Variants in PLEKHM3 observed in about 807,000 individuals in gnomAD.
PLEKHM3 encodes pleckstrin homology domain containing M3.
Under a neutral mutation model 81.8 loss-of-function variants are expected in PLEKHM3, and 45 were observed. The observed-to-expected ratio is 0.55, with a 90% CI of 0.43 to 0.71. The LOEUF is 0.71. PLEKHM3 is among the 30% of genes least tolerant of loss of function. The probability of loss-of-function intolerance (pLI) is 0.00; values close to 1 mark genes in which losing one functional copy is unlikely to be tolerated. For missense variants in PLEKHM3, 788 were observed against 924.3 expected, an observed-to-expected ratio of 0.85 and a Z score of 1.91; for synonymous variants, 352 against 356.4, an observed-to-expected ratio of 0.99 and a Z score of 0.14.
chr2:207,894,807 C>T (rs1002161970), intron 6 of PLEKHM3, among the ~76,000 whole-genome samples: 1 of 152,138 alleles, frequency 6.6e-6, no homozygotes, highest in Admixed American at 6.5e-5. Flanking sequence ...CATAACAAAA[C>T]AGGATGTGTA....
At chr2:207,908,977 C>T (rs1459417285) in intron 5 of PLEKHM3, among the ~76,000 whole-genome samples, 2 of 152,124 alleles carry the variant, frequency 1.3e-5, no homozygotes, top group African/African-American at 2.4e-5. Flanking sequence ...GTGATGTCTC[C>T]AAATATCTTT....
At chr2:207,965,566 C>G (rs1478858684) in intron 3 of PLEKHM3, among the ~76,000 whole-genome samples, 1 of 152,122 alleles carries the variant, frequency 6.6e-6, no homozygotes, top group Non-Finnish European at 1.5e-5. Flanking sequence ...AATTTATATC[C>G]TATAAAATCA....
intron 3 of PLEKHM3, among the ~76,000 whole-genome samples, chr2:207,963,934 G>T (rs1384915824): frequency 6.6e-6 from 1 of 152,212 alleles, no homozygotes; most frequent in Non-Finnish European, 1.5e-5. Context: ...CATCCTGGCT[G>T]GGCATGGTGG....
chr2:207,847,324 G>A (rs2092389415), intron 7 of PLEKHM3, among the ~76,000 whole-genome samples: 2 of 152,230 alleles, frequency 1.3e-5, no homozygotes, highest in African/African-American at 4.8e-5. Flanking sequence ...CCAGGCCAAG[G>A]TGAAATGTTA....
chr2:207,905,414 G>GT (rs995443031), intron 6 of PLEKHM3, among the ~76,000 whole-genome samples: 9 of 152,250 alleles, frequency 5.9e-5, no homozygotes, highest in Admixed American at 5.9e-4. Flanking sequence ...GGTTGGGTCA[G>GT]TTAGGTAGGG....
chr2:207,977,379 G>A lies in PLEKHM3; in HGVS notation c.818C>T (p.Ala273Val). 2 of 1,614,114 alleles carry A rather than the reference G, an allele frequency of 1.2e-6. No homozygotes were observed. The highest frequency in any genetic ancestry group is 2.2e-5 in the East Asian group (1 of 44,882). ...ATACAAAACAGTATCCACCATCCTGGCCTCCAGGTTGCCTAAAACAGATAT... is the reference window on the plus strand; with the variant it reads ...ATACAAAACAGTATCCACCATCCTGACCTCCAGGTTGCCTAAAACAGATAT... Reference protein sequence around the residue: ...QSISVLGNLEARMVDTVLYDN... With the variant: ...QSISVLGNLEVRMVDTVLYDN... Residue 273 changes from alanine (A) to valine (V), a missense_variant, in exon 3 of 8, where the codon GCC becomes GTC. Transcript: ENST00000427836.
intron 2 of PLEKHM3, among the ~76,000 whole-genome samples, chr2:207,981,263 G>A (rs1691514952): frequency 6.6e-6 from 1 of 152,082 alleles, no homozygotes; most frequent in South Asian, 2.1e-4. Context: ...TATTGTGTAT[G>A]ATATAAAAGT....
At chr2:208,010,524 A>C (rs1167541530) in intron 1 of PLEKHM3, among the ~76,000 whole-genome samples, 1 of 152,222 alleles carries the variant, frequency 6.6e-6, no homozygotes, top group Non-Finnish European at 1.5e-5. Context: ...GAACCACTTG[A>C]ATTAGCTTTA....
At chr2:207,836,318 T>TAAAAA (rs34489704) in intron 7 of PLEKHM3, among the ~76,000 whole-genome samples, 2 of 131,856 alleles carry the variant, frequency 1.5e-5, no homozygotes. Context: ...AGAGAGAGTC[T>TAAAAA]AAAAAAAAAA....
chr2:207,888,380 T>G (rs1687950291), intron 6 of PLEKHM3, among the ~76,000 whole-genome samples: 1 of 142,858 alleles, frequency 7.0e-6, no homozygotes, highest in African/African-American at 2.7e-5. Flanking sequence ...CACACACACT[T>G]GGATAATTCC....
chr2:207,882,254 T>TA (rs1283102499), intron 6 of PLEKHM3, among the ~76,000 whole-genome samples: 5 of 152,172 alleles, frequency 3.3e-5, no homozygotes, highest in African/African-American at 4.8e-5. Context: ...ACCTGGCTCT[T>TA]AGACCATGGT....
rs188391868 is a variant in PLEKHM3, at chr2:207,921,190, A to G, written c.1886+9736T>C. Among the ~76,000 whole-genome samples, 5 of 152,254 alleles carry G rather than the reference A, an allele frequency of 3.3e-5. No homozygotes were observed. In the East Asian group the frequency reaches 9.6e-4, roughly 29 times the overall value. ...CAGCCTCTTGAGTAGCTGGGACTAC[A>G]GGTGCACGCTACCACACCCAGCTAA... is the stretch of plus-strand genomic sequence containing the variant. On this transcript the variant is annotated intron_variant, in intron 5 of 7. Transcript: ENST00000427836.
intron 7 of PLEKHM3, among the ~76,000 whole-genome samples, chr2:207,855,231 A>C (rs563904706): frequency 6.6e-6 from 1 of 152,090 alleles, no homozygotes. Context: ...AACCAAACCA[A>C]AAACAACTCC....
chr2:207,920,689 G>A (rs1020077973), intron 5 of PLEKHM3, among the ~76,000 whole-genome samples: 1 of 148,298 alleles, frequency 6.7e-6, no homozygotes, highest in Non-Finnish European at 1.5e-5. Context: ...ATGTTCTTAC[G>A]TGAAATGATG....
In PLEKHM3 at chr2:207,913,109, A is replaced by C. The variant is rs569788281; in HGVS notation, c.1887-4532T>G. ...GTTTGCCTTAAACTCTGATTAGTACAAAGGGGTCTGAAAAACAGGACTAAG... is the reference window on the plus strand; with the variant it reads ...GTTTGCCTTAAACTCTGATTAGTACCAAGGGGTCTGAAAAACAGGACTAAG... On this transcript the variant is annotated intron_variant, in intron 5 of 7. Transcript: ENST00000427836. Among the ~76,000 whole-genome samples, 3 of 152,082 alleles carry C rather than the reference A, an allele frequency of 2.0e-5. No individual in the cohort carries two copies. The East Asian group carries it at 5.8e-4, about 29-fold the overall frequency.
At chr2:207,934,230 G>C (rs985719037) in intron 4 of PLEKHM3, among the ~76,000 whole-genome samples, 2 of 152,078 alleles carry the variant, frequency 1.3e-5, no homozygotes, top group African/African-American at 4.8e-5. Context: ...CCAACTAAGA[G>C]CTAAGAGCTA....
At chr2:207,871,451 T>G (rs905867891) in intron 6 of PLEKHM3, among the ~76,000 whole-genome samples, 8 of 152,202 alleles carry the variant, frequency 5.3e-5, no homozygotes, top group African/African-American at 1.7e-4. Context: ...TCTGGTTTAA[T>G]GCAATTGGGT....
At chr2:207,968,480 C>T (rs1383506297) in intron 3 of PLEKHM3, among the ~76,000 whole-genome samples, 1 of 152,176 alleles carries the variant, frequency 6.6e-6, no homozygotes, top group Non-Finnish European at 1.5e-5. Context: ...GGTCTCCAAG[C>T]CACTGGCCAT....
chr2:207,874,890 T>C (rs2092553031), intron 6 of PLEKHM3, among the ~76,000 whole-genome samples: 1 of 152,014 alleles, frequency 6.6e-6, no homozygotes, highest in Non-Finnish European at 1.5e-5. Flanking sequence ...ATGTCTGGCC[T>C]TTAAAAACTA....
Sources: allele counts gnomAD v4.1 joint callset (sites outside exome capture counted in the v4.1 genomes callset), GRCh38; gene constraint gnomAD v4.1.1; transcripts MANE v1.5; gene names NCBI Gene and HGNC (gene_info 2026-07-23, HGNC 2026-07-21).